The following FAM228B variants were observed in gnomAD, a reference collection of about 807,000 sequenced individuals.
FAM228B encodes protein FAM228B.
A neutral mutation model predicts 42.6 loss-of-function variants in FAM228B; 38 were observed. The observed-to-expected ratio is 0.89, with a 90% CI of 0.69 to 1.17. The LOEUF (loss-of-function observed/expected upper bound fraction) is 1.17, where lower values mean the gene tolerates loss of function less well. Ranked by LOEUF, FAM228B falls within the 50% of genes most tolerant of loss-of-function variation. The pLI, the probability that FAM228B is intolerant of heterozygous loss-of-function variation, is 0.00. For synonymous variants in FAM228B, 109 were observed against 122.3 expected (o/e 0.89, Z 0.72); for missense variants, 344 against 367.3 (o/e 0.94, Z 0.52).
chr2:24,161,692 T>C (rs1667290481), intron 8 of FAM228B, 79 bp downstream of exon 8: 2 of 904,544 alleles, frequency 2.2e-6, no homozygotes, highest in Admixed American at 4.3e-5. Context: ...CATCCTTTCA[T>C]GTTGCTGAGA....
chr2:24,138,376 C>G (rs1013856038), intron 4 of FAM228B, among the ~76,000 whole-genome samples: 5 of 152,056 alleles, frequency 3.3e-5, no homozygotes, highest in African/African-American at 9.7e-5. Flanking sequence ...ACTCTTGTCA[C>G]CCAGACTGGA....
intron 1 of FAM228B, among the ~76,000 whole-genome samples, chr2:24,078,481 A>T (rs1324100772): frequency 5.9e-4 from 6 of 10,124 alleles, no homozygotes; most frequent in East Asian, 0.013. Flanking sequence ...CTGTCTCCAT[A>T]AAAAAAAAAA....
intron 3 of FAM228B, 24 bp downstream of exon 3, chr2:24,135,211 T>C (rs768151198): frequency 1.6e-6 from 2 of 1,289,240 alleles, no homozygotes; most frequent in Non-Finnish European, 2.1e-6. Context: ...ACAAAATGCA[T>C]CTCAGTTAAA....
At chr2:24,115,757 A>T (rs1665894833) in intron 3 of FAM228B, 2 of 825,466 alleles carry the variant, frequency 2.4e-6, no homozygotes, top group African/African-American at 3.4e-5. Context: ...AACAAGGGTG[A>T]CTGGATAGTT....
intron 5 of FAM228B, among the ~76,000 whole-genome samples, chr2:24,143,415 T>C (rs1201726520): frequency 6.6e-6 from 1 of 152,184 alleles, no homozygotes; most frequent in Non-Finnish European, 1.5e-5. Context: ...AGGATGGTTT[T>C]GATCTCCTGA....
At chr2:24,111,151 C>A (rs913187113) in intron 3 of FAM228B, among the ~76,000 whole-genome samples, 2 of 152,040 alleles carry the variant, frequency 1.3e-5, no homozygotes, top group African/African-American at 4.8e-5. Context: ...ACCTGAAACT[C>A]TTGGGCTCAA....
At chr2:24,110,984 T>C (rs760559086) in intron 3 of FAM228B, among the ~76,000 whole-genome samples, 5 of 152,190 alleles carry the variant, frequency 3.3e-5, no homozygotes, top group African/African-American at 4.8e-5. Context: ...GGTACTTAAA[T>C]TGTTTGCTCA....
chr2:24,139,382 A>G lies in FAM228B; in HGVS notation c.373A>G (p.Ile125Val). Residue 125 changes from isoleucine (I) to valine (V), a missense_variant, in exon 5 of 11, where the codon ATA (isoleucine) becomes GTA (valine). By Grantham distance (29) the Ile-to-Val change is conservative. Transcript: ENST00000615575. ...KHVNKKGNAF[I>V]EHYDPKEYDP... is the part of the protein sequence containing the mutation. ...TTCCTTGCTATAGGGAAATGCATTT[A>G]TAGAACATTATGATCCAAAAGAGTA... is the stretch of plus-strand genomic sequence containing the variant. The G allele has an allele frequency of 6.5e-7, 1 of 1,542,168 alleles. No homozygotes were observed. Among genetic ancestry groups the G allele is most frequent in the Middle Eastern group, 1.7e-4 (1 of 5,952 alleles).
intron 2 of FAM228B, chr2:24,085,342 A>G (rs1665209937): frequency 6.6e-6 from 1 of 152,170 alleles, no homozygotes; most frequent in South Asian, 2.1e-4. Context: ...TAAAAGCTGT[A>G]TCCGTAAGCT....
rs36207096 is a variant in FAM228B, at chr2:24,084,379, G to T, written c.-210+3424G>T. ...GGCAGGACAGGACAGGGCAGGGCAGGGCAGGACAGGACAGGGCAGGGCAGG... is the reference window on the plus strand; with the variant it reads ...GGCAGGACAGGACAGGGCAGGGCAGTGCAGGACAGGACAGGGCAGGGCAGG... On this transcript the variant is annotated intron_variant, in intron 2 of 10. Transcript: ENST00000613899. The surrounding 1 kb of genome is among the most constrained non-coding windows in gnomAD (Gnocchi z 8.4). 1.7e-4 allele frequency: 230 copies of T among 1,382,494 alleles called. No homozygotes were observed. In the Middle Eastern group the frequency reaches 2.0e-3, roughly 12 times the overall value. The allele number at this position is 1,382,494 out of a possible 1,614,324, so 85.6% of individuals were successfully genotyped here.
intron 2 of FAM228B, among the ~76,000 whole-genome samples, chr2:24,081,972 G>T (rs1343216298): frequency 6.6e-6 from 1 of 151,828 alleles, no homozygotes; most frequent in East Asian, 1.9e-4. Context: ...TGGGATTACA[G>T]GCGTGAGCCA....
chr2:24,161,268 A>G (rs1177814687), intron 7 of FAM228B, among the ~76,000 whole-genome samples: 1 of 152,122 alleles, frequency 6.6e-6, no homozygotes, highest in Non-Finnish European at 1.5e-5. Flanking sequence ...CAACATGTTG[A>G]GACCCCATCT....
intron 5 of FAM228B, among the ~76,000 whole-genome samples, chr2:24,143,273 C>T (rs937449541): frequency 1.3e-5 from 2 of 152,076 alleles, no homozygotes; most frequent in African/African-American, 2.4e-5. Flanking sequence ...CTCCGCCTCC[C>T]GGGTTCACAC....
At chr2:24,144,794 A>G (rs1444389379) in intron 5 of FAM228B, among the ~76,000 whole-genome samples, 7 of 152,076 alleles carry the variant, frequency 4.6e-5, no homozygotes, top group Non-Finnish European at 8.8e-5. Flanking sequence ...GCCTGCTGCC[A>G]CTGAAAGCAA....
intron 3 of FAM228B, chr2:24,096,970 A>G (rs1034728760): frequency 6.6e-6 from 1 of 152,214 alleles, no homozygotes; most frequent in Non-Finnish European, 1.5e-5. Context: ...AGTGGGGGCC[A>G]ATATTCAACA....
rs1664798896 is a variant in FAM228B at position 24,077,452 on chromosome 2, T to A, written c.-290+483T>A. On this transcript the variant is annotated intron_variant, in intron 1 of 10. Coordinates refer to the FAM228B transcript ENST00000613899. This position sits in a 1 kb window ranked among gnomAD's most constrained non-coding sequence, Gnocchi z 5.5. ...CCACCCTTCCAGTTCACTCTTTATT[T>A]CCTCATATCAGCTTTAAACGGCTCT... 1 of 1,150,068 alleles carries A rather than the reference T, an allele frequency of 8.7e-7. No individual in the cohort carries two copies. The highest frequency in any genetic ancestry group is 1.2e-6 in the Non-Finnish European group (1 of 855,622). 71.2% of individuals were successfully genotyped at this position (1,150,068 alleles called of 1,614,324 possible).
intron 9 of FAM228B, among the ~76,000 whole-genome samples, 191 bp downstream of exon 9, chr2:24,164,526 CT>C (rs1238416819): frequency 7.1e-6 from 1 of 140,674 alleles, no homozygotes; most frequent in Non-Finnish European, 1.6e-5. Context: ...CCCTGGCCCC[CT>C]GGTGGAGTCA....
chr2:24,079,724 A>G, intron 1 of FAM228B: 1 of 1,310,098 alleles, frequency 7.6e-7, no homozygotes, highest in Non-Finnish European at 1.1e-6. Flanking sequence ...ATGGATATAA[A>G]TACAGATGCA....
chr2:24,092,010 T>C (rs1280740171), intron 2 of FAM228B, among the ~76,000 whole-genome samples: 1 of 151,774 alleles, frequency 6.6e-6, no homozygotes, highest in Non-Finnish European at 1.5e-5. Flanking sequence ...GGTGGGCAGA[T>C]CACTTGAACT....
Sources: gnomAD v4.1 joint callset for allele counts (sites outside exome capture counted in the v4.1 genomes callset) on GRCh38, gnomAD v4.1.1 for gene constraint, Gnocchi (gnomAD v3.1) non-coding constraint, MANE v1.5 for transcripts, NCBI Gene and HGNC (gene_info 2026-07-23, HGNC 2026-07-21) for gene names.